RSF1: variants seen among roughly 807,000 people sequenced by gnomAD.
RSF1 encodes the protein remodeling and spacing factor 1.
RSF1 carries 13 observed loss-of-function variants against 145.2 expected under a neutral mutation model. The ratio of observed to expected loss-of-function variants is 0.09; its 90% CI spans 0.06 to 0.14. The LOEUF (loss-of-function observed/expected upper bound fraction) is 0.14, where lower values mean the gene tolerates loss of function less well. RSF1 is among the 10% of genes least tolerant of loss of function. The probability of loss-of-function intolerance (pLI) is 1.00; values close to 1 mark genes in which losing one functional copy is unlikely to be tolerated. For synonymous variants in RSF1, 577 were observed against 592.6 expected, an observed-to-expected ratio of 0.97 and a Z score of 0.38; for missense variants, 1,517 against 1,718.2, an observed-to-expected ratio of 0.88 and a Z score of 2.07.
At chr11:77,683,556 GA>G (rs1044965471) in intron 11 of RSF1, among the ~76,000 whole-genome samples, 153 bp downstream of exon 11, 9 of 147,470 alleles carry the variant, frequency 6.1e-5, no homozygotes, top group Non-Finnish European at 1.2e-4. Flanking sequence ...AAAGAAAAAG[GA>G]AAAAAAAAAT....
chr11:77,729,776 T>G lies in RSF1; in HGVS notation c.579-4077A>C, dbSNP rs368214780. On this transcript the variant is annotated intron_variant, in intron 4 of 15. Coordinates refer to ENST00000308488, the MANE Select transcript of RSF1 (RefSeq NM_016578.4). ...ACAAATGGGACCAGGTCTTCACATC[T>G]ACAGAGCATAAAACAGTATAAATAT... Among the ~76,000 whole-genome samples the G allele has an allele frequency of 1.7e-4, 26 of 151,542 alleles. No individual in the cohort carries two copies. In the East Asian group the frequency reaches 4.9e-3, roughly 28 times the overall value.
At chr11:77,681,511 C>T (rs992352026) in intron 11 of RSF1, among the ~76,000 whole-genome samples, 4 of 152,082 alleles carry the variant, frequency 2.6e-5, no homozygotes, top group African/African-American at 9.7e-5. Context: ...AACTTTTGGG[C>T]TGAAACGATC....
intron 5 of RSF1, among the ~76,000 whole-genome samples, chr11:77,711,022 G>A (rs924007498): frequency 6.6e-6 from 1 of 150,972 alleles, no homozygotes; most frequent in Non-Finnish European, 1.5e-5. Context: ...TCAAGACCAC[G>A]ATCTGGGCAT....
chr11:77,790,631 G>A (rs536098674), intron 1 of RSF1, among the ~76,000 whole-genome samples: 5 of 152,282 alleles, frequency 3.3e-5, no homozygotes, highest in Non-Finnish European at 4.4e-5. Flanking sequence ...AAGCAAGTTA[G>A]TTACTTCCTA....
chr11:77,701,260 C>A lies in RSF1; in HGVS notation c.1969G>T (p.Gly657Cys). ...TCTACTTTTTTCACAGACTGGCCAC[C>A]AACAGTACTTGTACTCTGGCATTCT... is the stretch of plus-strand genomic sequence containing the variant. ...VVECQSTSTV[G>C]GQSVKKVDLE... Residue 657 changes from glycine (G) to cysteine (C), a missense_variant, in exon 6 of 16, where the codon GGT (glycine) becomes TGT (cysteine). Physicochemically the swap from Gly to Cys is radical, Grantham distance 159. This residue lies in a region of RSF1 where 579 missense variants were observed against 553.5 expected (regional missense o/e 1.05). Coordinates refer to ENST00000308488, the MANE Select transcript of RSF1 (RefSeq NM_016578.4). 2 of 1,614,086 alleles carry A rather than the reference C, an allele frequency of 1.2e-6. No homozygotes were observed. The highest frequency in any genetic ancestry group is 1.7e-6 in the Non-Finnish European group (2 of 1,180,018).
At chr11:77,830,987 CAAAAAAAAAAAA>C in the RSF1 span, among the ~76,000 whole-genome samples, 8 of 100,514 alleles carry the variant, frequency 8.0e-5, no homozygotes, top group African/African-American at 2.6e-4. Context: ...CAAAATATAC[CAAAAAAAAAAAA>C]AAAAAAAAAA....
intron 5 of RSF1, among the ~76,000 whole-genome samples, chr11:77,707,979 T>C (rs913486178): frequency 2.6e-5 from 4 of 152,200 alleles, no homozygotes; most frequent in Non-Finnish European, 5.9e-5. Context: ...ATCTTGATAA[T>C]AGGATAACAA....
the RSF1 span, among the ~76,000 whole-genome samples, chr11:77,853,109 G>A: frequency 2.6e-5 from 4 of 152,104 alleles, no homozygotes; most frequent in African/African-American, 9.7e-5. Flanking sequence ...GTTAGATATT[G>A]CCAAATTCCC....
At chr11:77,711,983 T>C (rs183490661) in intron 5 of RSF1, among the ~76,000 whole-genome samples, 4 of 148,384 alleles carry the variant, frequency 2.7e-5, no homozygotes, top group Non-Finnish European at 5.9e-5. Flanking sequence ...TTGGGCTTGT[T>C]TGGTGTTTTC....
intron 1 of RSF1, among the ~76,000 whole-genome samples, chr11:77,791,481 G>C (rs1476326306): frequency 6.6e-6 from 1 of 152,156 alleles, no homozygotes; most frequent in Non-Finnish European, 1.5e-5. Context: ...TTATGCAGCA[G>C]ACTTCAATTT....
At chr11:77,735,671 C>A (rs1961331500) in intron 4 of RSF1, among the ~76,000 whole-genome samples, 1 of 152,108 alleles carries the variant, frequency 6.6e-6, no homozygotes, top group Non-Finnish European at 1.5e-5. Context: ...TAAATGCAAC[C>A]TATTAAATGA....
the RSF1 span, among the ~76,000 whole-genome samples, chr11:77,835,427 A>C: frequency 6.6e-6 from 1 of 151,942 alleles, no homozygotes; most frequent in Non-Finnish European, 1.5e-5. Flanking sequence ...CCAGACTTTA[A>C]ACTTTGTCTT....
At chr11:77,872,163 C>T in the RSF1 span, 1 of 1,609,674 alleles carries the variant, frequency 6.2e-7, no homozygotes, top group South Asian at 1.1e-5. Context: ...CATCTCTTTT[C>T]CACCTTCCCA....
the RSF1 span, among the ~76,000 whole-genome samples, chr11:77,828,633 T>C: frequency 6.9e-6 from 1 of 145,684 alleles, no homozygotes; most frequent in Non-Finnish European, 1.5e-5. Context: ...ATCGCACCAC[T>C]GCACTGCGCC....
At chr11:77,840,093 A>G in the RSF1 span, among the ~76,000 whole-genome samples, 1 of 81,276 alleles carries the variant, frequency 1.2e-5, no homozygotes. Flanking sequence ...AGAGGGGGAC[A>G]GTAAACACAC....
intron 1 of RSF1, among the ~76,000 whole-genome samples, chr11:77,804,192 C>T (rs1948654735): frequency 6.6e-6 from 1 of 152,156 alleles, no homozygotes; most frequent in South Asian, 2.1e-4. Context: ...CATCCAGGAC[C>T]CTTCCAGACC....
the RSF1 span, chr11:77,869,944 T>G: frequency 1.2e-6 from 1 of 818,066 alleles, no homozygotes; most frequent in Admixed American, 2.1e-5. Flanking sequence ...TGACCCAGGA[T>G]AGCAGTGGCT....
At position 77,812,381 on chromosome 11, in the gene RSF1, A is replaced by G. The variant is rs72933598; in HGVS notation, c.187+8147T>C. 8.9e-3 allele frequency among the ~76,000 whole-genome samples: 1,351 copies of G among 152,344 alleles called. 33 individuals carry two copies. The highest frequency in any genetic ancestry group is 0.025 in the East Asian group (130 of 5,182). ...TATTCAGAAAATGATTAAGATAAACATGTACAAATACTGGAGAATAAAGCT... is the reference window on the plus strand; with the variant it reads ...TATTCAGAAAATGATTAAGATAAACGTGTACAAATACTGGAGAATAAAGCT... On this transcript the variant is annotated intron_variant, in intron 1 of 15. Coordinates refer to ENST00000308488, the MANE Select transcript of RSF1 (RefSeq NM_016578.4).
intron 1 of RSF1, chr11:77,813,640 G>A: frequency 1.7e-6 from 1 of 589,674 alleles, no homozygotes; most frequent in South Asian, 1.7e-5. Context: ...GCCACCTCCA[G>A]CTCCACGCGT....
Sources: gnomAD v4.1 joint callset for allele counts (sites outside exome capture counted in the v4.1 genomes callset) on GRCh38, gnomAD v4.1.1 for gene constraint, gnomAD v4.1.1 regional missense constraint, MANE v1.5 for transcripts, NCBI Gene and HGNC (gene_info 2026-07-23, HGNC 2026-07-21) for gene names.